Variants in ANKRD30B observed in about 807,000 individuals in gnomAD.
The protein encoded by ANKRD30B is ankyrin repeat domain 30B.
In ANKRD30B, 144 loss-of-function variants were observed where a neutral mutation model predicts 202.2. The ratio of observed to expected loss-of-function variants is 0.71; its 90% CI spans 0.62 to 0.82. ANKRD30B has a LOEUF of 0.82. Among genes scored for constraint, ANKRD30B ranks in the 40% least tolerant of loss-of-function variants. The pLI is 0.00. For synonymous variants in ANKRD30B, 508 were observed against 561.3 expected (o/e 0.91, Z 1.34); for missense variants, 1,487 against 1,669.1 (o/e 0.89, Z 1.90).
At chr18:14,884,637 G>T in the ANKRD30B span, among the ~76,000 whole-genome samples, 1 of 151,954 alleles carries the variant, frequency 6.6e-6, no homozygotes, top group Non-Finnish European at 1.5e-5. Context: ...TTTGGAAAAT[G>T]CAACCACATG....
At chr18:14,896,429 C>T in the ANKRD30B span, among the ~76,000 whole-genome samples, 1 of 151,988 alleles carries the variant, frequency 6.6e-6, no homozygotes, top group Non-Finnish European at 1.5e-5. Flanking sequence ...CCGCGCCCGG[C>T]CTATCTGCTC....
chr18:14,855,275 G>A (rs1972048518), downstream of ANKRD30B, among the ~76,000 whole-genome samples: 1 of 152,214 alleles, frequency 6.6e-6, no homozygotes, highest in African/African-American at 2.4e-5. Context: ...TCTTAGTACA[G>A]AAGAAAATGG....
At chr18:14,770,908 T>A (rs997427499) in intron 8 of ANKRD30B, among the ~76,000 whole-genome samples, 1 of 152,106 alleles carries the variant, frequency 6.6e-6, no homozygotes, top group Non-Finnish European at 1.5e-5. Context: ...AAGAGTGGCT[T>A]AGAGCCCCTT....
chr18:14,863,023 T>C, the ANKRD30B span, among the ~76,000 whole-genome samples: 2 of 152,240 alleles, frequency 1.3e-5, no homozygotes, highest in African/African-American at 2.4e-5. Flanking sequence ...ATAACTTGGC[T>C]TTGATCTTAT....
chr18:14,752,708 G>A, intron 2 of ANKRD30B, 28 bp downstream of exon 2: 1 of 1,573,640 alleles, frequency 6.4e-7, no homozygotes, highest in Non-Finnish European at 8.6e-7. Context: ...TTTTCAGCGG[G>A]AGATGGATTT....
intron 34 of ANKRD30B, among the ~76,000 whole-genome samples, chr18:14,833,771 T>A (rs1056112647): frequency 6.6e-6 from 1 of 152,238 alleles, no homozygotes; most frequent in African/African-American, 2.4e-5. Flanking sequence ...ATCACATGTC[T>A]TAGGGTAGCT....
At chr18:14,824,565 A>G (rs1319972179) in intron 32 of ANKRD30B, among the ~76,000 whole-genome samples, 1 of 152,250 alleles carries the variant, frequency 6.6e-6, no homozygotes, top group African/African-American at 2.4e-5. Flanking sequence ...CTCATTTTGT[A>G]GATGAGATGG....
At chr18:14,871,167 A>ACACC in the ANKRD30B span, among the ~76,000 whole-genome samples, 1 of 101,572 alleles carries the variant, frequency 9.8e-6, no homozygotes. Flanking sequence ...CCCTACCCAC[A>ACACC]CCGGCACACC....
At chr18:14,791,915 T>G (rs560269231) in intron 16 of ANKRD30B, among the ~76,000 whole-genome samples, 1 of 152,098 alleles carries the variant, frequency 6.6e-6, no homozygotes, top group African/African-American at 2.4e-5. Flanking sequence ...AGTGACTTTC[T>G]AATGCCAAAA....
At chr18:14,921,214 G>A in the ANKRD30B span, among the ~76,000 whole-genome samples, 1 of 151,756 alleles carries the variant, frequency 6.6e-6, no homozygotes, top group Non-Finnish European at 1.5e-5. Flanking sequence ...AGACACATGA[G>A]GCATGTGTTT....
At chr18:14,867,930 C>G in the ANKRD30B span, among the ~76,000 whole-genome samples, 1 of 152,254 alleles carries the variant, frequency 6.6e-6, no homozygotes, top group Non-Finnish European at 1.5e-5. Flanking sequence ...TGCCCAGCTG[C>G]TCCAAGCCAG....
At chr18:14,850,164 A>C in intron 40 of ANKRD30B, 50 bp from the exon 41 acceptor site, 1 of 1,194,694 alleles carries the variant, frequency 8.4e-7, no homozygotes, top group Non-Finnish European at 1.1e-6. Context: ...CTCAAAGTGA[A>C]TTCTATTTTC....
At chr18:14,847,058 A>G (rs1190997193) in intron 39 of ANKRD30B, among the ~76,000 whole-genome samples, 75 of 23,718 alleles carry the variant, frequency 3.2e-3, no homozygotes, top group African/African-American at 0.016. Context: ...TTTTATATAT[A>G]TATATATATA....
intron 34 of ANKRD30B, 88 bp from the exon 35 acceptor site, chr18:14,837,123 C>A: frequency 1.3e-6 from 1 of 764,998 alleles, no homozygotes; most frequent in Non-Finnish European, 2.2e-6. Context: ...GTTTGTCTTT[C>A]TGACAAATTG....
the ANKRD30B span, among the ~76,000 whole-genome samples, chr18:14,883,357 C>CTGTCTG: frequency 1.7e-5 from 2 of 115,746 alleles, no homozygotes; most frequent in African/African-American, 6.9e-5. Flanking sequence ...CTTTCTCTCT[C>CTGTCTG]TCTGTCTGTC....
intron 37 of ANKRD30B, among the ~76,000 whole-genome samples, chr18:14,842,078 AT>A (rs1473876757): frequency 2.3e-4 from 35 of 152,148 alleles, no homozygotes; most frequent in African/African-American, 8.4e-4. Context: ...TACAGAATTT[AT>A]TACTTGAATT....
At chr18:14,791,352 T>C (rs774917631) in intron 15 of ANKRD30B, 49 bp from the exon 16 acceptor site, 1 of 1,476,480 alleles carries the variant, frequency 6.8e-7, no homozygotes, top group Non-Finnish European at 9.3e-7. Flanking sequence ...ATACTCTTCA[T>C]TACTAGGATT....
the ANKRD30B span, among the ~76,000 whole-genome samples, chr18:14,882,343 T>C: frequency 6.6e-6 from 1 of 152,192 alleles, no homozygotes; most frequent in Non-Finnish European, 1.5e-5. Context: ...TACATTTCCA[T>C]CGTGATTTCG....
chr18:14,805,101 C>G (rs1419489863), intron 24 of ANKRD30B, among the ~76,000 whole-genome samples: 1 of 150,374 alleles, frequency 6.7e-6, no homozygotes, highest in Admixed American at 6.6e-5. Context: ...TTGATATTCA[C>G]AATTTGAATA....
Sources: gnomAD v4.1 joint callset for allele counts (sites outside exome capture counted in the v4.1 genomes callset) on GRCh38, gnomAD v4.1.1 for gene constraint, MANE v1.5 for transcripts, NCBI Gene and HGNC (gene_info 2026-07-23, HGNC 2026-07-21) for gene names.